Variants in RAF1 observed in about 807,000 individuals in gnomAD.
The protein encoded by RAF1 is RAF proto-oncogene serine/threonine-protein kinase.
RAF1 carries 27 observed loss-of-function variants against 81.1 expected under a neutral mutation model. That is an observed-to-expected ratio of 0.33 (90% CI 0.25 to 0.46). RAF1 has a LOEUF of 0.46. RAF1 is among the 20% of genes least tolerant of loss of function. The probability of loss-of-function intolerance (pLI) is 1.00; values close to 1 mark genes in which losing one functional copy is unlikely to be tolerated. For synonymous variants in RAF1, 298 were observed against 294.0 expected (o/e 1.01, Z -0.14); for missense variants, 598 against 826.0 (o/e 0.72, Z 3.38).
chr3:12,652,241 G>A (rs1338206761), intron 1 of RAF1, among the ~76,000 whole-genome samples: 4 of 151,722 alleles, frequency 2.6e-5, no homozygotes, highest in Middle Eastern at 6.9e-3. Flanking sequence ...AATAAAAATA[G>A]GCCAGGCGTA....
chr3:12,662,411 G>A (rs1440301029), intron 1 of RAF1, among the ~76,000 whole-genome samples: 3 of 125,500 alleles, frequency 2.4e-5, no homozygotes, highest in Admixed American at 2.4e-4. Context: ...AAATTTAAAA[G>A]TCATTAACTA....
chr3:12,603,627 C>T (rs2058932511), intron 7 of RAF1: 9 of 615,608 alleles, frequency 1.5e-5, no homozygotes, highest in Non-Finnish European at 2.6e-5. Flanking sequence ...AAGCAGAAAG[C>T]AAATTAAACC....
intron 1 of RAF1, among the ~76,000 whole-genome samples, chr3:12,643,467 G>A (rs1284822437): frequency 6.6e-6 from 1 of 152,134 alleles, no homozygotes; most frequent in East Asian, 1.9e-4. Context: ...GAAGCCGGGT[G>A]CAGTGGCTCA....
chr3:12,629,797 T>C (rs773021702), intron 1 of RAF1, among the ~76,000 whole-genome samples: 2 of 152,194 alleles, frequency 1.3e-5, no homozygotes, highest in Non-Finnish European at 2.9e-5. Flanking sequence ...TGTTTATTTT[T>C]CTAAGGCATG....
At position 12,600,422 on chromosome 3, in the gene RAF1, C is replaced by T; in HGVS notation, c.895-7G>A. 6.2e-7 allele frequency: 1 copy of T among 1,614,040 alleles called. No homozygotes were observed. The highest frequency in any genetic ancestry group is 1.3e-5 in the African/African-American group (1 of 75,018). ...TGTGACTTCGAATTGCATCCTGAAA[C>T]AGAAAAGGAAAGCTGGTCAACTCCT... On this transcript the variant is annotated splice_polypyrimidine_tract_variant and splice_region_variant and intron_variant, in intron 8 of 17. Transcript: ENST00000442415.
chr3:12,586,403 A>G (rs1483048197), intron 14 of RAF1, among the ~76,000 whole-genome samples: 1 of 151,872 alleles, frequency 6.6e-6, no homozygotes, highest in Non-Finnish European at 1.5e-5. Flanking sequence ...ACTTGTGAGG[A>G]AAAAAAAATT....
chr3:12,631,381 G>C (rs1475299709), intron 1 of RAF1, among the ~76,000 whole-genome samples: 1 of 152,148 alleles, frequency 6.6e-6, no homozygotes, highest in African/African-American at 2.4e-5. Flanking sequence ...GGCGGATCAA[G>C]AGGTCAGGAG....
chr3:12,641,788 G>A (rs1398387179), intron 1 of RAF1, among the ~76,000 whole-genome samples: 2 of 151,848 alleles, frequency 1.3e-5, no homozygotes, highest in East Asian at 1.9e-4. Flanking sequence ...CACCGTACCC[G>A]GCCCCAAAAA....
intron 10 of RAF1, 69 bp downstream of exon 9, chr3:12,600,078 TAAGTA>T: frequency 6.3e-7 from 1 of 1,587,320 alleles, no homozygotes. Flanking sequence ...AAAATAAGTT[TAAGTA>T]TTCTAATTTC....
Position 12,595,137 on chromosome 3 carries a change from G to A in RAF1, c.1169-3345C>T, listed in dbSNP as rs575306245. ...GGCTGGAGTGCAGCAGCACCATCAC[G>A]GCTCACTGCAGCCTCAAACTCCTGG... On this transcript the variant is annotated intron_variant, in intron 11 of 17. Transcript: ENST00000442415. Among the ~76,000 whole-genome samples the A allele has an allele frequency of 5.3e-5, 8 of 152,160 alleles. No individual in the cohort carries two copies. In the East Asian group the frequency reaches 7.7e-4, roughly 15 times the overall value.
At position 12,663,938 on chromosome 3, in the gene RAF1, G is replaced by A; in HGVS notation, c.-152C>T. Reference sequence around the variant, plus strand: ...CGGCGCGTCCCCAGCCCAGGGGACGGAGCCCCGAGCAGCCCCCGCATCGTA... The same window carrying A: ...CGGCGCGTCCCCAGCCCAGGGGACGAAGCCCCGAGCAGCCCCCGCATCGTA... On this transcript the variant is annotated 5_prime_UTR_variant, in exon 1 of 18. Transcript: ENST00000442415. The A allele has an allele frequency of 2.5e-6, 1 of 398,384 alleles. No individual in the cohort carries two copies. The highest frequency in any genetic ancestry group is 4.4e-6 in the Non-Finnish European group (1 of 225,868). The allele number at this position is 398,384 out of a possible 1,614,324, so 24.7% of individuals were successfully genotyped here.
intron 1 of RAF1, among the ~76,000 whole-genome samples, chr3:12,622,301 C>T (rs1678455180): frequency 2.0e-5 from 3 of 152,174 alleles, no homozygotes; most frequent in South Asian, 2.1e-4. Context: ...TGAAATGATA[C>T]AGCTCCTAAT....
intron 1 of RAF1, among the ~76,000 whole-genome samples, chr3:12,630,030 C>A (rs2059816435): frequency 6.6e-6 from 1 of 152,214 alleles, no homozygotes; most frequent in African/African-American, 2.4e-5. Flanking sequence ...GACCCTCCCA[C>A]CTCAGCCTCC....
chr3:12,600,023 T>A, intron 10 of RAF1, 129 bp downstream of exon 9: 1 of 1,445,116 alleles, frequency 6.9e-7, no homozygotes, highest in Non-Finnish European at 9.7e-7. Context: ...GACAGTAACA[T>A]TTATAATCTC....
intron 1 of RAF1, among the ~76,000 whole-genome samples, chr3:12,660,762 G>A (rs1559499173): frequency 6.6e-6 from 1 of 152,208 alleles, no homozygotes; most frequent in East Asian, 1.9e-4. Flanking sequence ...AGATCACAAG[G>A]TCAGGAGTTC....
At chr3:12,586,265 A>G (rs755116450) in intron 14 of RAF1, among the ~76,000 whole-genome samples, 1 of 152,322 alleles carries the variant, frequency 6.6e-6, no homozygotes, top group Admixed American at 6.5e-5. Context: ...CAAAATAGCA[A>G]ATCCCTTACT....
intron 1 of RAF1, among the ~76,000 whole-genome samples, chr3:12,656,953 C>T (rs113873505): frequency 6.6e-5 from 10 of 150,736 alleles, no homozygotes; most frequent in African/African-American, 1.7e-4. Flanking sequence ...ACCAACATCA[C>T]GCCACTGTAC....
intron 11 of RAF1, among the ~76,000 whole-genome samples, chr3:12,592,330 A>T (rs2058541432): frequency 6.6e-6 from 1 of 152,216 alleles, no homozygotes; most frequent in Admixed American, 6.5e-5. Flanking sequence ...CTCTGAATCC[A>T]CATTTCAGTG....
At chr3:12,659,482 C>A (rs571528311) in intron 1 of RAF1, among the ~76,000 whole-genome samples, 8 of 143,234 alleles carry the variant, frequency 5.6e-5, no homozygotes, top group Non-Finnish European at 1.1e-4. Flanking sequence ...ACCAAAAGTA[C>A]CAACTGAATT....
Sources: gnomAD v4.1 joint callset for allele counts (sites outside exome capture counted in the v4.1 genomes callset) on GRCh38, gnomAD v4.1.1 for gene constraint, MANE v1.5 for transcripts, NCBI Gene and HGNC (gene_info 2026-07-23, HGNC 2026-07-21) for gene names.